The following SGCZ variants were observed in gnomAD, a reference collection of about 807,000 sequenced individuals.
The protein encoded by SGCZ is sarcoglycan zeta, also known as zeta-sarcoglycan.
In SGCZ, 40 loss-of-function variants were observed where a neutral mutation model predicts 41.3. The ratio of observed to expected loss-of-function variants is 0.97; its 90% confidence interval spans 0.75 to 1.26. The LOEUF (loss-of-function observed/expected upper bound fraction) is 1.26, where lower values mean the gene tolerates loss of function less well. Among genes scored for constraint, SGCZ ranks in the 50% most tolerant of loss-of-function variants. The pLI is 0.00. For synonymous variants in SGCZ, 206 were observed against 137.5 expected (o/e 1.50, Z -3.49); for missense variants, 552 against 369.8 (o/e 1.49, Z -4.04).
intron 3 of SGCZ, chr8:14,309,358 G>A: frequency 6.2e-7 from 1 of 1,604,170 alleles, no homozygotes; most frequent in Non-Finnish European, 8.5e-7. Flanking sequence ...GAGGACGATG[G>A]CTAATTACAT....
At chr8:14,319,796 G>C (rs376312276) in intron 3 of SGCZ, among the ~76,000 whole-genome samples, 83 of 152,044 alleles carry the variant, frequency 5.5e-4, no homozygotes, top group African/African-American at 2.0e-3. Context: ...GGACAAACTG[G>C]AGAGCAGCTA....
intron 1 of SGCZ, among the ~76,000 whole-genome samples, chr8:14,933,414 C>A (rs1039349869): frequency 4.7e-5 from 7 of 149,210 alleles, no homozygotes; most frequent in South Asian, 4.2e-4. Flanking sequence ...GAGTTTTATT[C>A]CATATACTTT....
chr8:14,217,015 C>G (rs1412068228), intron 4 of SGCZ, among the ~76,000 whole-genome samples: 1 of 152,058 alleles, frequency 6.6e-6, no homozygotes, highest in Non-Finnish European at 1.5e-5. Flanking sequence ...AGGATGGGCA[C>G]GGTGGCTCAC....
chr8:15,184,662 T>C (rs1475037612), intron 1 of SGCZ, among the ~76,000 whole-genome samples: 1 of 152,178 alleles, frequency 6.6e-6, no homozygotes, highest in Non-Finnish European at 1.5e-5. Context: ...GCAGGCGATT[T>C]CTTCACACAC....
chr8:14,815,421 A>G (rs17120311), intron 1 of SGCZ, among the ~76,000 whole-genome samples: 18,261 of 151,260 alleles, frequency 0.12, 1,400 homozygotes, highest in East Asian at 0.32. Flanking sequence ...TACTTACTTC[A>G]AAACAAAAGG....
rs1259782196 is a variant in SGCZ at position 14,972,720 on chromosome 8, T to C, written c.39+264865A>G. Among the ~76,000 whole-genome samples, 4 of 152,160 alleles carry C rather than the reference T, an allele frequency of 2.6e-5. No individual in the cohort carries two copies. In the East Asian group the frequency reaches 5.8e-4, roughly 22 times the overall value. On this transcript the variant is annotated intron_variant, in intron 1 of 7. Coordinates refer to ENST00000382080, the MANE Select transcript of SGCZ (RefSeq NM_139167.4). The stretch of plus-strand genomic sequence containing the variant: ...GTTATTCATCTTTAACTTACCACCA[T>C]CTACCTTCAAGAGATATACCACTTC...
At position 14,676,368 on chromosome 8, in the gene SGCZ, G is replaced by GTA. The variant is rs1808279662; in HGVS notation, c.40-121444_40-121443dup. ...TAGATGTGTGTGTGTGTGTGTGTGT[G>GTA]TATCTCCAGCCCTGATGGCATATGC... is the stretch of plus-strand genomic sequence containing the variant. On this transcript the variant is annotated intron_variant, in intron 1 of 7. Coordinates refer to ENST00000382080, the MANE Select transcript of SGCZ (RefSeq NM_139167.4). Among the ~76,000 whole-genome samples, 7 of 151,844 alleles carry GTA rather than the reference G, an allele frequency of 4.6e-5. No individual in the cohort carries two copies. In the South Asian group the frequency reaches 1.5e-3, roughly 32 times the overall value.
At chr8:14,865,235 G>A (rs1025340885) in intron 1 of SGCZ, among the ~76,000 whole-genome samples, 7 of 152,022 alleles carry the variant, frequency 4.6e-5, no homozygotes, top group Middle Eastern at 3.4e-3. Flanking sequence ...AACGTCCTGC[G>A]TCCAGGTCTC....
At chr8:15,005,333 T>TGG (rs1329693142) in intron 1 of SGCZ, among the ~76,000 whole-genome samples, 1 of 142,488 alleles carries the variant, frequency 7.0e-6, no homozygotes, top group Admixed American at 6.9e-5. Context: ...TTTTTCTTTT[T>TGG]TTTTTTTTTT....
intron 1 of SGCZ, among the ~76,000 whole-genome samples, chr8:15,108,260 G>A (rs1806908907): frequency 6.6e-6 from 1 of 151,978 alleles, no homozygotes; most frequent in Non-Finnish European, 1.5e-5. Context: ...TTAAACATAT[G>A]GTTCTCAGTT....
At chr8:14,851,368 CAA>C (rs369090223) in intron 1 of SGCZ, among the ~76,000 whole-genome samples, 3 of 61,920 alleles carry the variant, frequency 4.8e-5, no homozygotes, top group African/African-American at 1.3e-4. Flanking sequence ...GACTCCATCT[CAA>C]AAAAAAAAAA....
At chr8:14,883,235 TA>T (rs370971113) in intron 1 of SGCZ, among the ~76,000 whole-genome samples, 257 of 137,974 alleles carry the variant, frequency 1.9e-3, no homozygotes, top group Middle Eastern at 7.7e-3. Context: ...TTGGGCTACT[TA>T]AAAAAAAAAA....
chr8:14,100,889 T>C (rs1801999524), intron 7 of SGCZ, among the ~76,000 whole-genome samples: 1 of 151,916 alleles, frequency 6.6e-6, no homozygotes, highest in Non-Finnish European at 1.5e-5. Flanking sequence ...TTCTTCTCAA[T>C]TTGACCTTTG....
chr8:14,878,179 C>T (rs1804438117), intron 1 of SGCZ, among the ~76,000 whole-genome samples: 1 of 150,646 alleles, frequency 6.6e-6, no homozygotes, highest in Non-Finnish European at 1.5e-5. Context: ...TCAAGGCAGT[C>T]TTCTTTTTTT....
intron 5 of SGCZ, among the ~76,000 whole-genome samples, chr8:14,151,654 T>A (rs955051348): frequency 3.3e-5 from 5 of 151,986 alleles, no homozygotes; most frequent in African/African-American, 1.2e-4. Context: ...AGAATAACAA[T>A]AATAATATTG....
intron 1 of SGCZ, among the ~76,000 whole-genome samples, chr8:14,730,223 T>G (rs1563231138): frequency 6.6e-6 from 1 of 152,216 alleles, no homozygotes; most frequent in Non-Finnish European, 1.5e-5. Context: ...AGCTTTATGG[T>G]ACAACTGGCA....
At chr8:15,016,805 G>A (rs999738937) in intron 1 of SGCZ, among the ~76,000 whole-genome samples, 2 of 152,138 alleles carry the variant, frequency 1.3e-5, no homozygotes, top group African/African-American at 4.8e-5. Context: ...TGCTTCTGGT[G>A]AGGGCCTCAG....
chr8:15,023,632 C>T (rs1020538214), intron 1 of SGCZ, among the ~76,000 whole-genome samples: 5 of 152,138 alleles, frequency 3.3e-5, no homozygotes, highest in Admixed American at 1.3e-4. Flanking sequence ...ACTGCTACAA[C>T]ATTTTTATTA....
chr8:14,810,044 G>A (rs1488757911), intron 1 of SGCZ, among the ~76,000 whole-genome samples: 2 of 152,002 alleles, frequency 1.3e-5, no homozygotes, highest in Non-Finnish European at 2.9e-5. Context: ...TTTTAGATCT[G>A]TTTTTAACAT....
Sources: allele counts gnomAD v4.1 joint callset (sites outside exome capture counted in the v4.1 genomes callset), GRCh38; gene constraint gnomAD v4.1.1; transcripts MANE v1.5; gene names NCBI Gene and HGNC (gene_info 2026-07-23, HGNC 2026-07-21).